ZNF264: variants seen among roughly 807,000 people sequenced by gnomAD.
ZNF264 encodes zinc finger protein 264.
ZNF264 carries 11 observed loss-of-function variants against 11.2 expected under a neutral mutation model. That is an observed-to-expected ratio of 0.98 (90% confidence interval 0.62 to 1.63). The LOEUF is 1.63. Among genes scored for constraint, ZNF264 ranks in the 40% most tolerant of loss-of-function variants. ZNF264 has a pLI of 0.00. For synonymous variants in ZNF264, 309 were observed against 279.8 expected, an observed-to-expected ratio of 1.10 and a Z score of -1.04; for missense variants, 752 against 768.1, an observed-to-expected ratio of 0.98 and a Z score of 0.25.
intron 3 of ZNF264, 46 bp from the exon 4 acceptor site, chr19:57,211,308 G>A (rs372321280): frequency 6.7e-7 from 1 of 1,497,758 alleles, no homozygotes; most frequent in African/African-American, 1.4e-5. Flanking sequence ...TTTTTTCCAT[G>A]TTGTCCTTTA....
chr19:57,212,911 C>G lies in ZNF264; in HGVS notation c.1814C>G (p.Pro605Arg). The change falls in exon 4 of 4, where the codon CCA (proline) becomes CGA (arginine). Residue 605 changes from proline to arginine, a missense_variant. By Grantham distance (103) the Pro-to-Arg change is moderately radical (BLOSUM62 -2). Coordinates refer to ENST00000263095, the MANE Select transcript of ZNF264 (RefSeq NM_003417.5). Reference protein sequence around the residue: ...LNVTTEANILPEETSSSASDQ... With the variant: ...LNVTTEANILREETSSSASDQ... ...GTAACCACTGAGGCAAATATTTTGC[C>G]AGAGGAAACATCTTCCTCTGCATCT... 6.2e-7 allele frequency: 1 copy of G among 1,614,126 alleles called. No homozygotes were observed. The highest frequency in any genetic ancestry group is 1.1e-5 in the South Asian group (1 of 91,080).
At position 57,215,449 on chromosome 19, in the gene ZNF264, C is replaced by G. The variant is rs1454655107; in HGVS notation, c.*2468C>G. On this transcript the variant is annotated 3_prime_UTR_variant, in exon 4 of 4. Transcript: ENST00000263095. ...TTTATCAGTTTTATTGCGCATCATG[C>G]TGAAAGATGTAATTTTTGCTTCATC... is the stretch of plus-strand genomic sequence containing the variant. The G allele has an allele frequency of 6.6e-6, 1 of 152,110 alleles. No homozygotes were observed. The highest frequency in any genetic ancestry group is 2.4e-5 in the African/African-American group (1 of 41,424). 9.4% of individuals were successfully genotyped at this position (152,110 alleles called of 1,614,324 possible). A position where few individuals can be genotyped will look rare whatever the true frequency, so the allele number is the denominator to read the frequency against.
chr19:57,192,777 G>C (rs989645854), intron 1 of ZNF264, among the ~76,000 whole-genome samples: 1 of 152,186 alleles, frequency 6.6e-6, no homozygotes, highest in East Asian at 1.9e-4. Context: ...TGTCGCCCAG[G>C]CTGGAGTACA....
chr19:57,207,445 C>T (rs2087300813), intron 3 of ZNF264, among the ~76,000 whole-genome samples: 1 of 151,944 alleles, frequency 6.6e-6, no homozygotes, highest in Non-Finnish European at 1.5e-5. Context: ...GGGTCTAGAA[C>T]ACACTTCCTT....
chr19:57,220,733 C>T lies in ZNF264; in HGVS notation c.*7752C>T, dbSNP rs1335562087. ...TCTCAGTTCACTGCAACCTCCATCCCCCCATGTTCAAGCAATTCTCCTGCC... is the reference window on the plus strand; with the variant it reads ...TCTCAGTTCACTGCAACCTCCATCCTCCCATGTTCAAGCAATTCTCCTGCC... On this transcript the variant is annotated 3_prime_UTR_variant, in exon 4 of 4. Coordinates refer to ENST00000263095, the MANE Select transcript of ZNF264 (RefSeq NM_003417.5). The T allele has an allele frequency of 1.3e-5, 2 of 152,194 alleles. No individual in the cohort carries two copies. The highest frequency in any genetic ancestry group is 1.3e-4 in the Admixed American group (2 of 15,274). 9.4% of individuals were successfully genotyped at this position (152,194 alleles called of 1,614,324 possible). A position where few individuals can be genotyped will look rare whatever the true frequency, so the allele number is the denominator to read the frequency against.
chr19:57,199,186 C>T (rs779167205), intron 2 of ZNF264, among the ~76,000 whole-genome samples: 8 of 151,954 alleles, frequency 5.3e-5, no homozygotes, highest in Non-Finnish European at 1.0e-4. Flanking sequence ...TGGCCCCTGC[C>T]ACCTCGGGAT....
rs368887614 is a variant in ZNF264, at chr19:57,212,605, G to A, written c.1508G>A (p.Arg503Gln). 33 of 1,613,906 alleles carry A rather than the reference G, an allele frequency of 2.0e-5. No homozygotes were observed. Among genetic ancestry groups the A allele is most frequent in the African/African-American group, 1.6e-4 (12 of 74,880 alleles). The change falls in exon 4 of 4, where the codon CGG becomes CAG. Residue 503 changes from arginine (R) to glutamine (Q), a missense_variant. Coordinates refer to ENST00000263095, the MANE Select transcript of ZNF264 (RefSeq NM_003417.5). ...TRMSGLTRHK[R>Q]IHSGEKPYEC... ...ATGTCGGGCCTCACGAGGCACAAGCGGATTCATAGTGGAGAGAAGCCCTAT... is the reference window on the plus strand; with the variant it reads ...ATGTCGGGCCTCACGAGGCACAAGCAGATTCATAGTGGAGAGAAGCCCTAT...
intron 3 of ZNF264, among the ~76,000 whole-genome samples, chr19:57,207,989 G>A (rs1162054523): frequency 6.6e-6 from 1 of 151,944 alleles, no homozygotes; most frequent in Non-Finnish European, 1.5e-5. Flanking sequence ...GCCTTCCAAA[G>A]TGCTGGGATT....
rs1193663487 is a variant in ZNF264 at position 57,217,231 on chromosome 19, T to TATA, written c.*4252_*4253insAAT. 6.6e-6 allele frequency: 1 copy of TATA among 152,240 alleles called. No homozygotes were observed. The highest frequency in any genetic ancestry group is 2.4e-5 in the African/African-American group (1 of 41,466). The allele number at this position is 152,240 out of a possible 1,614,324, so 9.4% of individuals were successfully genotyped here. A position where few individuals can be genotyped will look rare whatever the true frequency, so the allele number is the denominator to read the frequency against. On this transcript the variant is annotated 3_prime_UTR_variant, in exon 4 of 4. Transcript: ENST00000263095. ...TCCTAAGTCAGGGACTGTCTGTATA[T>TATA]ATCTGCATTTTTTAGTGATTGTTCT...
chr19:57,210,407 C>T (rs776550220), intron 3 of ZNF264, among the ~76,000 whole-genome samples: 2 of 152,204 alleles, frequency 1.3e-5, no homozygotes, highest in Non-Finnish European at 2.9e-5. Context: ...ACAAAATTCT[C>T]TAAAACCTGT....
At chr19:57,211,173 C>A (rs2087331928) in intron 3 of ZNF264, among the ~76,000 whole-genome samples, 181 bp from the exon 4 acceptor site, 1 of 152,144 alleles carries the variant, frequency 6.6e-6, no homozygotes, top group African/African-American at 2.4e-5. Context: ...GTCTCCCATG[C>A]AGAATATCCC....
intron 2 of ZNF264, among the ~76,000 whole-genome samples, chr19:57,203,616 T>C (rs1404485640): frequency 6.6e-6 from 1 of 152,194 alleles, no homozygotes; most frequent in African/African-American, 2.4e-5. Context: ...GAGTAGATAC[T>C]ATTTGATGTT....
intron 2 of ZNF264, among the ~76,000 whole-genome samples, chr19:57,198,505 G>A (rs191305436): frequency 1.3e-5 from 2 of 152,012 alleles, no homozygotes; most frequent in East Asian, 1.9e-4. Context: ...CTAACAGGGA[G>A]CCAGTGTGGG....
intron 1 of ZNF264, among the ~76,000 whole-genome samples, 180 bp from the exon 2 acceptor site, chr19:57,193,695 A>C (rs539003405): frequency 3.3e-5 from 5 of 152,058 alleles, no homozygotes; most frequent in Non-Finnish European, 7.4e-5. Context: ...TCTCTCCTTT[A>C]CTCTGGTATT....
Position 57,222,677 on chromosome 19 carries a change from A to G in ZNF264, c.*9696A>G, listed in dbSNP as rs966407030. ...TCACCTTTGTAAAGATGTTATTGCCAGTTCAGTGTGTATTTCTATAGTATA... is the reference window on the plus strand; with the variant it reads ...TCACCTTTGTAAAGATGTTATTGCCGGTTCAGTGTGTATTTCTATAGTATA... On this transcript the variant is annotated 3_prime_UTR_variant, in exon 4 of 4. Coordinates refer to ENST00000263095, the MANE Select transcript of ZNF264 (RefSeq NM_003417.5). 1.3e-5 allele frequency: 2 copies of G among 152,102 alleles called. No individual in the cohort carries two copies. Among genetic ancestry groups the G allele is most frequent in the South Asian group, 2.1e-4 (1 of 4,820 alleles). The allele number at this position is 152,102 out of a possible 1,614,324, so 9.4% of individuals were successfully genotyped here. A position where few individuals can be genotyped will look rare whatever the true frequency, so the allele number is the denominator to read the frequency against.
rs1017179429 is a variant in ZNF264 at position 57,193,560 on chromosome 19, T to G, written c.34-315T>G. ...ACTCAGGTACTGCCGTTGTAACCAT[T>G]ATTGCTATTATTACCATTTCCCCAT... On this transcript the variant is annotated intron_variant, in intron 1 of 3. Coordinates refer to ENST00000263095, the MANE Select transcript of ZNF264 (RefSeq NM_003417.5). The G allele has an allele frequency of 5.1e-6, 5 of 983,578 alleles. No individual in the cohort carries two copies. The African/African-American group carries it at 8.7e-5, about 17-fold the overall frequency. 60.9% of individuals were successfully genotyped at this position (983,578 alleles called of 1,614,324 possible).
At position 57,213,893 on chromosome 19, in the gene ZNF264, A is replaced by G. The variant is rs1040602554; in HGVS notation, c.*912A>G. 4 of 152,162 alleles carry G rather than the reference A, an allele frequency of 2.6e-5. No homozygotes were observed. The highest frequency in any genetic ancestry group is 9.7e-5 in the African/African-American group (4 of 41,436). 9.4% of individuals were successfully genotyped at this position (152,162 alleles called of 1,614,324 possible). ...TAAGCATTCCTTAAAGTATTTCATT[A>G]ATGTTAAAAATTTTCAGCGTATAGA... On this transcript the variant is annotated 3_prime_UTR_variant, in exon 4 of 4. Coordinates refer to ENST00000263095, the MANE Select transcript of ZNF264 (RefSeq NM_003417.5).
At chr19:57,211,065 G>A (rs1450738316) in intron 3 of ZNF264, among the ~76,000 whole-genome samples, 2 of 152,076 alleles carry the variant, frequency 1.3e-5, no homozygotes, top group Admixed American at 6.6e-5. Context: ...TACCATGCAC[G>A]GTGTCGTCGT....
At chr19:57,206,002 GT>G in intron 3 of ZNF264, among the ~76,000 whole-genome samples, 1 of 152,326 alleles carries the variant, frequency 6.6e-6, no homozygotes, top group East Asian at 1.9e-4. Context: ...TCATCAGCCT[GT>G]TGCATTAAGA....
Sources: gnomAD v4.1 joint callset for allele counts (sites outside exome capture counted in the v4.1 genomes callset) on GRCh38, gnomAD v4.1.1 for gene constraint, MANE v1.5 for transcripts, NCBI Gene and HGNC (gene_info 2026-07-23, HGNC 2026-07-21) for gene names.